Variants in GPHN observed in about 807,000 individuals in gnomAD.
The protein encoded by GPHN is gephyrin.
Under a neutral mutation model 95.5 loss-of-function variants are expected in GPHN, and 17 were observed. That is an observed-to-expected ratio of 0.18 (90% CI 0.12 to 0.27). The LOEUF is 0.27. GPHN is among the 10% of genes least tolerant of loss of function. The pLI, the probability that GPHN is intolerant of heterozygous loss-of-function variation, is 1.00. For synonymous variants in GPHN, 320 were observed against 322.5 expected, an observed-to-expected ratio of 0.99 and a Z score of 0.08; for missense variants, 660 against 978.1, an observed-to-expected ratio of 0.67 and a Z score of 4.34.
chr14:67,205,673 G>C, the GPHN span, among the ~76,000 whole-genome samples: 1 of 152,152 alleles, frequency 6.6e-6, no homozygotes, highest in Non-Finnish European at 1.5e-5. Context: ...AATATATGTG[G>C]AGAATAGTAG....
chr14:67,124,079 C>G (rs1335274643), intron 17 of GPHN, among the ~76,000 whole-genome samples: 2 of 152,064 alleles, frequency 1.3e-5, no homozygotes, highest in Non-Finnish European at 2.9e-5. Flanking sequence ...TTTTTAAAAT[C>G]TTCACCATTT....
chr14:66,995,144 T>G (rs902258171), intron 9 of GPHN, among the ~76,000 whole-genome samples: 6 of 152,164 alleles, frequency 3.9e-5, no homozygotes, highest in African/African-American at 1.4e-4. Context: ...CTTAACAACT[T>G]CATCTTACAT....
intron 5 of GPHN, among the ~76,000 whole-genome samples, chr14:66,885,996 C>G (rs1308989942): frequency 2.0e-5 from 3 of 151,834 alleles, no homozygotes; most frequent in Non-Finnish European, 2.9e-5. Flanking sequence ...TGACAAAAAT[C>G]CATGAGGAAG....
At chr14:66,678,360 C>A (rs184426787) in intron 1 of GPHN, among the ~76,000 whole-genome samples, 1 of 150,718 alleles carries the variant, frequency 6.6e-6, no homozygotes, top group Non-Finnish European at 1.5e-5. Context: ...TTGATCTAGT[C>A]GATTGTTGAA....
chr14:67,460,986 T>G, the GPHN span, among the ~76,000 whole-genome samples: 1 of 152,212 alleles, frequency 6.6e-6, no homozygotes, highest in Non-Finnish European at 1.5e-5. Context: ...ATTTTACAGA[T>G]GAGAAAACTT....
At chr14:67,655,028 CAAAAAAAAA>C in the GPHN span, among the ~76,000 whole-genome samples, 5 of 43,504 alleles carry the variant, frequency 1.1e-4, no homozygotes, top group Non-Finnish European at 1.9e-4. Flanking sequence ...GACTCCATCT[CAAAAAAAAA>C]AAAAAAAAAA....
the GPHN span, chr14:67,359,841 G>A: frequency 1.1e-6 from 1 of 892,408 alleles, no homozygotes; most frequent in Admixed American, 2.3e-5. Flanking sequence ...AGGCAGCAGG[G>A]ACACCCATTT....
intron 16 of GPHN, among the ~76,000 whole-genome samples, chr14:67,115,713 TGA>T (rs2078648379): frequency 6.6e-6 from 1 of 150,508 alleles, no homozygotes; most frequent in African/African-American, 2.4e-5. Context: ...CCAGCCTGGG[TGA>T]GAGAGAGAGA....
chr14:67,254,768 G>A, the GPHN span, among the ~76,000 whole-genome samples: 3 of 152,176 alleles, frequency 2.0e-5, no homozygotes, highest in South Asian at 4.1e-4. Context: ...ACCAATAAGC[G>A]ATCTAGGTAG....
At chr14:66,971,328 A>G (rs552769535) in intron 9 of GPHN, among the ~76,000 whole-genome samples, 1 of 152,328 alleles carries the variant, frequency 6.6e-6, no homozygotes, top group South Asian at 2.1e-4. Context: ...AACTCCATCT[A>G]GCTAGAAATA....
intron 1 of GPHN, among the ~76,000 whole-genome samples, chr14:66,516,410 C>A (rs1027393630): frequency 2.0e-5 from 3 of 152,180 alleles, no homozygotes; most frequent in South Asian, 2.1e-4. Flanking sequence ...GTTTTACCCA[C>A]TTGCCCTTCC....
chr14:67,105,188 G>T (rs1188665452), intron 13 of GPHN, among the ~76,000 whole-genome samples: 1 of 151,850 alleles, frequency 6.6e-6, no homozygotes, highest in Non-Finnish European at 1.5e-5. Flanking sequence ...GTCCATTGTG[G>T]TTGGAAAAAA....
chr14:67,292,463 T>G, the GPHN span: 1 of 1,302,880 alleles, frequency 7.7e-7, no homozygotes, highest in South Asian at 1.3e-5. Context: ...GCATGTTGAA[T>G]TAATACTGAA....
chr14:67,246,515 A>T, the GPHN span, among the ~76,000 whole-genome samples: 1 of 152,006 alleles, frequency 6.6e-6, no homozygotes, highest in Non-Finnish European at 1.5e-5. Flanking sequence ...GATTTTTAAA[A>T]TTTTTTGTAG....
intron 2 of GPHN, among the ~76,000 whole-genome samples, chr14:66,712,937 A>G (rs1250161332): frequency 2.0e-5 from 3 of 152,108 alleles, no homozygotes; most frequent in African/African-American, 2.4e-5. Context: ...GCCCATTGGT[A>G]TATCTTCTTT....
chr14:67,650,268 G>A, the GPHN span: 14 of 215,218 alleles, frequency 6.5e-5, no homozygotes, highest in African/African-American at 3.0e-4. Context: ...GTTCAAAAGT[G>A]GGAATGCAGT....
chr14:67,014,647 A>G (rs549551265), intron 9 of GPHN, among the ~76,000 whole-genome samples: 1 of 152,336 alleles, frequency 6.6e-6, no homozygotes, highest in Non-Finnish European at 1.5e-5. Flanking sequence ...ACTTTACTGT[A>G]TGACCTAAAA....
chr14:66,674,117 G>C (rs1477640441), intron 1 of GPHN, among the ~76,000 whole-genome samples: 1 of 89,940 alleles, frequency 1.1e-5, no homozygotes, highest in African/African-American at 5.7e-5. Flanking sequence ...TTTTTTTTTT[G>C]AGATGGAATC....
chr14:67,445,048 A>G, the GPHN span, among the ~76,000 whole-genome samples: 1 of 152,142 alleles, frequency 6.6e-6, no homozygotes, highest in Non-Finnish European at 1.5e-5. Flanking sequence ...GGCATGAGCT[A>G]CCATGCCTGG....
Sources: allele counts gnomAD v4.1 joint callset (sites outside exome capture counted in the v4.1 genomes callset), GRCh38; gene constraint gnomAD v4.1.1; transcripts MANE v1.5; gene names NCBI Gene and HGNC (gene_info 2026-07-23, HGNC 2026-07-21).